The following FBXW11 variants were observed in gnomAD, a reference collection of about 807,000 sequenced individuals.
The protein encoded by FBXW11 is F-box/WD repeat-containing protein 11.
In FBXW11, 19 loss-of-function variants were observed where a neutral mutation model predicts 77.6. That is an observed-to-expected ratio of 0.24 (90% CI 0.17 to 0.36). The LOEUF (loss-of-function observed/expected upper bound fraction) is 0.36, where lower values mean the gene tolerates loss of function less well. Ranked by LOEUF, FBXW11 falls within the 10% of genes least tolerant of loss-of-function variation. FBXW11 has a pLI of 1.00. For missense variants in FBXW11, 334 were observed against 704.2 expected (o/e 0.47, Z 5.95); for synonymous variants, 235 against 249.4 (o/e 0.94, Z 0.54).
chr5:171,968,320 C>T (rs1764333136), intron 1 of FBXW11, among the ~76,000 whole-genome samples: 1 of 151,870 alleles, frequency 6.6e-6, no homozygotes, highest in Non-Finnish European at 1.5e-5. Context: ...TAGCCGGGCA[C>T]AGTGGCAGGC....
intron 1 of FBXW11, among the ~76,000 whole-genome samples, chr5:172,002,152 AAAC>A (rs1159801101): frequency 1.3e-5 from 2 of 152,216 alleles, no homozygotes; most frequent in African/African-American, 4.8e-5. Flanking sequence ...TCACAGGCTC[AAAC>A]AACACTAGTA....
intron 4 of FBXW11, among the ~76,000 whole-genome samples, chr5:171,907,881 T>C (rs929647659): frequency 6.6e-6 from 1 of 152,226 alleles, no homozygotes; most frequent in Admixed American, 6.5e-5. Flanking sequence ...CTCTGAACTA[T>C]ACTCTGAAAA....
At chr5:171,948,673 C>A (rs987875963) in intron 2 of FBXW11, among the ~76,000 whole-genome samples, 4 of 152,046 alleles carry the variant, frequency 2.6e-5, no homozygotes, top group African/African-American at 9.7e-5. Flanking sequence ...ATAAATAAAC[C>A]AAGCACTCTT....
In FBXW11 at chr5:171,952,443, ATATATTTTT is replaced by A. The variant is rs1236973859; in HGVS notation, c.147+5145_147+5153del. On this transcript the variant is annotated intron_variant, in intron 2 of 13. Transcript: ENST00000517395. ...CATACATATATATATATATATATATATATATTTTTTTTTTTTTTTTTTTTTTTGAGACGG... is the reference window on the plus strand; with the variant it reads ...CATACATATATATATATATATATATATTTTTTTTTTTTTTTTTTGAGACGG... Among the ~76,000 whole-genome samples, 9 of 10,772 alleles carry A rather than the reference ATATATTTTT, an allele frequency of 8.4e-4. No homozygotes were observed. The East Asian group carries it at 0.1, about 120-fold the overall frequency. 7.1% of individuals were successfully genotyped at this position (10,772 alleles called of 152,430 possible). A position where few individuals can be genotyped will look rare whatever the true frequency, so the allele number is the denominator to read the frequency against.
At chr5:171,930,710 G>A (rs1762123713) in intron 2 of FBXW11, among the ~76,000 whole-genome samples, 1 of 93,198 alleles carries the variant, frequency 1.1e-5, no homozygotes, top group Non-Finnish European at 2.2e-5. Flanking sequence ...AAACACCCAA[G>A]AATGATCAAT....
At chr5:171,989,327 A>G (rs1765612305) in intron 1 of FBXW11, among the ~76,000 whole-genome samples, 1 of 152,262 alleles carries the variant, frequency 6.6e-6, no homozygotes, top group Non-Finnish European at 1.5e-5. Flanking sequence ...CCTCTCTAAT[A>G]GCAGAAGAGA....
chr5:171,866,719 C>T (rs948014418), intron 13 of FBXW11, among the ~76,000 whole-genome samples: 3 of 152,188 alleles, frequency 2.0e-5, no homozygotes, highest in African/African-American at 7.2e-5. Flanking sequence ...TACTTGGGTC[C>T]ATTCCTCCTT....
Position 171,878,061 on chromosome 5 carries a change from C to T in FBXW11, c.921G>A (p.Leu307=). The T allele has an allele frequency of 6.2e-7, 1 of 1,614,100 alleles. No homozygotes were observed. The change falls in exon 8 of 14, where the codon CTG becomes CTA. Residue 307 remains leucine, a synonymous_variant. Transcript: ENST00000517395. ...TTACAATGACACGCTCATCATACTG[C>T]AGACAGAGGACAGAGCCTGTGTGTC... is the stretch of plus-strand genomic sequence containing the variant. ...LTGHTGSVLC[L]QYDERVIVTG... is the part of the protein sequence containing the mutation.
intron 1 of FBXW11, among the ~76,000 whole-genome samples, chr5:171,990,075 T>C (rs1351227129): frequency 1.4e-5 from 2 of 143,044 alleles, no homozygotes; most frequent in South Asian, 2.2e-4. Flanking sequence ...AAAAGGGAGG[T>C]AGGGAGGAAG....
At chr5:171,939,077 T>C (rs549593220) in intron 2 of FBXW11, among the ~76,000 whole-genome samples, 2 of 150,596 alleles carry the variant, frequency 1.3e-5, no homozygotes, top group African/African-American at 4.9e-5. Flanking sequence ...CTACTAAAAA[T>C]ACAAAAAAAA....
intron 1 of FBXW11, among the ~76,000 whole-genome samples, chr5:171,975,124 C>A (rs4867660): frequency 0.79 from 120,415 of 152,144 alleles, 51,300 homozygotes; most frequent in East Asian, 0.97. Context: ...AGTTATATAA[C>A]CTAAGAGTCA....
At position 171,899,520 on chromosome 5, in the gene FBXW11, T is replaced by C. The variant is rs139387959; in HGVS notation, c.623+394A>G. ...AAAGCTGCATCAGAGTTATGAGTTT[T>C]CTCTGAAAAATCCTATCACTGTTAT... On this transcript the variant is annotated intron_variant, in intron 5 of 13. Transcript: ENST00000517395. Among the ~76,000 whole-genome samples the C allele has an allele frequency of 6.3e-3, 964 of 152,304 alleles. 5 individuals carry two copies. The highest frequency in any genetic ancestry group is 0.017 in the Middle Eastern group (5 of 294).
At position 172,006,166 on chromosome 5, in the gene FBXW11, T is replaced by G. The variant is rs188796788; in HGVS notation, c.45+292A>C. 7.4e-4 allele frequency among the ~76,000 whole-genome samples: 112 copies of G among 152,206 alleles called. 1 individual carries two copies. The highest frequency in any genetic ancestry group is 2.4e-3 in the African/African-American group (100 of 41,530). ...ATGGGGTGCTAGAGCGAGTGCGACC[T>G]AAGTCTACAGCATAAACGAGCGAGG... On this transcript the variant is annotated intron_variant, in intron 1 of 13. Coordinates refer to ENST00000517395, the MANE Select transcript of FBXW11 (RefSeq NM_001378974.1).
At chr5:171,937,956 C>A (rs954206653) in intron 2 of FBXW11, among the ~76,000 whole-genome samples, 1 of 151,912 alleles carries the variant, frequency 6.6e-6, no homozygotes, top group Non-Finnish European at 1.5e-5. Flanking sequence ...AATTTGCAGC[C>A]TATGTCACAA....
rs147727438 is a variant in FBXW11 at position 171,902,206 on chromosome 5, A to G, written c.437-2106T>C. ...TCTATTTACATCATTCTTCAGACCT[A>G]CCTACTAGCCTGGTAACTTTATCCA... is the stretch of plus-strand genomic sequence containing the variant. On this transcript the variant is annotated intron_variant, in intron 4 of 13. Transcript: ENST00000517395. 3.6e-3 allele frequency among the ~76,000 whole-genome samples: 547 copies of G among 152,266 alleles called. 3 individuals are homozygous for G. Among genetic ancestry groups the G allele is most frequent in the African/African-American group, 0.013 (524 of 41,538 alleles).
At chr5:171,975,598 C>T (rs916890667) in intron 1 of FBXW11, among the ~76,000 whole-genome samples, 1 of 152,204 alleles carries the variant, frequency 6.6e-6, no homozygotes, top group Admixed American at 6.5e-5. Flanking sequence ...TTGCTATCTA[C>T]GTGACCTTGG....
At chr5:171,886,321 G>A (rs1758870218) in intron 7 of FBXW11, among the ~76,000 whole-genome samples, 1 of 148,676 alleles carries the variant, frequency 6.7e-6, no homozygotes, top group Admixed American at 6.9e-5. Flanking sequence ...CTATCGCAAG[G>A]ACAAAAAACC....
chr5:171,900,679 G>T (rs1760054723), intron 4 of FBXW11, among the ~76,000 whole-genome samples: 1 of 152,126 alleles, frequency 6.6e-6, no homozygotes, highest in African/African-American at 2.4e-5. Flanking sequence ...GGCAATCCAA[G>T]AATTAAAGTC....
rs1561716227 is a variant in FBXW11 at position 171,952,436 on chromosome 5, TA to T, written c.147+5160del. ...GTGTGTACATACATATATATATATA[TA>T]TATATATATATTTTTTTTTTTTTTT... On this transcript the variant is annotated intron_variant, in intron 2 of 13. Coordinates refer to ENST00000517395, the MANE Select transcript of FBXW11 (RefSeq NM_001378974.1). 5.5e-3 allele frequency among the ~76,000 whole-genome samples: 96 copies of T among 17,594 alleles called. 5 individuals are homozygous for T. The highest frequency in any genetic ancestry group is 0.022 in the Admixed American group (35 of 1,564). The allele number at this position is 17,594 out of a possible 152,430, so 11.5% of individuals were successfully genotyped here. A position where few individuals can be genotyped will look rare whatever the true frequency, so the allele number is the denominator to read the frequency against.
Sources: allele counts gnomAD v4.1 joint callset (sites outside exome capture counted in the v4.1 genomes callset), GRCh38; gene constraint gnomAD v4.1.1; transcripts MANE v1.5; gene names NCBI Gene and HGNC (gene_info 2026-07-23, HGNC 2026-07-21).